The following ACSM6 variants were observed in gnomAD, a reference collection of about 807,000 sequenced individuals.
ACSM6 encodes acyl-coenzyme A synthetase ACSM6, mitochondrial.
Under a neutral mutation model 51.1 loss-of-function variants are expected in ACSM6, and 35 were observed. The observed-to-expected ratio is 0.69, with a 90% CI of 0.52 to 0.91. The LOEUF is 0.91. ACSM6 is among the 40% of genes least tolerant of loss of function. ACSM6 has a pLI of 0.00. For missense variants in ACSM6, 509 were observed against 584.1 expected (o/e 0.87, Z 1.32); for synonymous variants, 172 against 207.3 (o/e 0.83, Z 1.46).
At chr10:95,200,332 C>T (rs2034778885) in intron 2 of ACSM6, among the ~76,000 whole-genome samples, 1 of 117,632 alleles carries the variant, frequency 8.5e-6, no homozygotes, top group Non-Finnish European at 1.6e-5. Flanking sequence ...GAACATCACA[C>T]TCTGGGGACT....
intron 3 of ACSM6, among the ~76,000 whole-genome samples, chr10:95,203,833 G>T (rs73331048): frequency 0.03 from 4,244 of 141,618 alleles, 214 homozygotes; most frequent in African/African-American, 0.1. Context: ...TACTGCCTTT[G>T]CCTGCTAACA....
chr10:95,221,762 A>G (rs1281716854), intron 9 of ACSM6, among the ~76,000 whole-genome samples: 1 of 152,238 alleles, frequency 6.6e-6, no homozygotes, highest in Non-Finnish European at 1.5e-5. Context: ...TCCAACAAAG[A>G]AAAGCCCAGC....
chr10:95,211,780 G>C, intron 5 of ACSM6, 98 bp from the exon 6 acceptor site: 1 of 1,278,236 alleles, frequency 7.8e-7, no homozygotes, highest in South Asian at 1.5e-5. Flanking sequence ...TGTGATCTTT[G>C]TTTCTCCCCA....
chr10:95,228,342 C>G (rs1391395718), intron 10 of ACSM6: 2 of 253,580 alleles, frequency 7.9e-6, no homozygotes, highest in Non-Finnish European at 1.5e-5. Flanking sequence ...CTGTACCTGG[C>G]CTTGTGCTAA....
At chr10:95,210,594 A>G in intron 4 of ACSM6, 56 bp from the exon 5 acceptor site, 3 of 1,560,730 alleles carry the variant, frequency 1.9e-6, no homozygotes, top group Non-Finnish European at 1.7e-6. Flanking sequence ...GGGCCTAGGC[A>G]CTTAATCAGA....
chr10:95,220,126 C>T (rs1044275971), intron 9 of ACSM6, among the ~76,000 whole-genome samples, 155 bp downstream of exon 9: 1 of 152,110 alleles, frequency 6.6e-6, no homozygotes, highest in African/African-American at 2.4e-5. Context: ...TTTATTTCCA[C>T]CTCAATATCC....
intron 10 of ACSM6, 39 bp from the exon 11 acceptor site, chr10:95,228,603 AGG>A: frequency 2.0e-6 from 3 of 1,537,208 alleles, no homozygotes; most frequent in Non-Finnish European, 2.6e-6. Flanking sequence ...TGATTGTGAG[AGG>A]GAAGTAAATG....
chr10:95,226,010 A>G (rs1164066359), intron 10 of ACSM6: 1 of 152,190 alleles, frequency 6.6e-6, no homozygotes, highest in African/African-American at 2.4e-5. Flanking sequence ...ATCTTTCTCA[A>G]GACTATTATG....
rs117778869 is a variant in ACSM6 at position 95,208,567 on chromosome 10, A to G, written c.611+1152A>G. 3.3e-5 allele frequency among the ~76,000 whole-genome samples: 5 copies of G among 152,324 alleles called. No homozygotes were observed. In the East Asian group the frequency reaches 5.8e-4, roughly 18 times the overall value. On this transcript the variant is annotated intron_variant, in intron 4 of 10. Transcript: ENST00000341686. ...GTTCATCCTCAAGTTAGCCAAATACAGTAGTGCCCCCTTATCTGTGGCTTT... is the reference window on the plus strand; with the variant it reads ...GTTCATCCTCAAGTTAGCCAAATACGGTAGTGCCCCCTTATCTGTGGCTTT...
exon 5 of ACSM6, chr10:95,210,659 T>C (rs1339529870): frequency 6.2e-7 from 1 of 1,613,500 alleles, no homozygotes; most frequent in Non-Finnish European, 8.5e-7. Flanking sequence ...GAGTTGCCCC[T>C]CCAAAGCAGA....
exon 7 of ACSM6, chr10:95,212,912 G>A (rs1326160507): frequency 1.2e-6 from 2 of 1,613,114 alleles, no homozygotes; most frequent in Admixed American, 1.7e-5. Context: ...GATGTACCAG[G>A]AACTGCTTCA....
chr10:95,200,380 G>T (rs1373265042), intron 2 of ACSM6, among the ~76,000 whole-genome samples: 1 of 151,198 alleles, frequency 6.6e-6, no homozygotes, highest in Non-Finnish European at 1.5e-5. Context: ...ATAGCATTGG[G>T]TGATATACCT....
intron 2 of ACSM6, among the ~76,000 whole-genome samples, chr10:95,200,430 T>C (rs1234792289): frequency 6.6e-6 from 1 of 151,072 alleles, no homozygotes; most frequent in Non-Finnish European, 1.5e-5. Flanking sequence ...CACACCAACA[T>C]GGCACATGTA....
intron 9 of ACSM6, among the ~76,000 whole-genome samples, chr10:95,222,678 A>G (rs1431644942): frequency 3.3e-5 from 5 of 151,976 alleles, no homozygotes; most frequent in Non-Finnish European, 5.9e-5. Flanking sequence ...GGTGGTTGCC[A>G]GGAGCTGGTG....
intron 9 of ACSM6, among the ~76,000 whole-genome samples, chr10:95,224,884 G>A (rs957986485): frequency 1.3e-5 from 2 of 152,046 alleles, no homozygotes; most frequent in South Asian, 2.1e-4. Context: ...TGTTTGAAAG[G>A]CCTTTCTGAG....
intron 4 of ACSM6, among the ~76,000 whole-genome samples, chr10:95,207,726 T>A (rs1193096791): frequency 2.0e-5 from 3 of 152,046 alleles, no homozygotes; most frequent in Admixed American, 1.3e-4. Context: ...GGATAAAAAA[T>A]TAGGTAATAT....
At chr10:95,194,735 C>T (rs2034708751) in intron 2 of ACSM6, 58 bp downstream of exon 2, 1 of 1,441,192 alleles carries the variant, frequency 6.9e-7, no homozygotes, top group African/African-American at 1.4e-5. Flanking sequence ...GGTAAAGCGT[C>T]CAAAGATCAT....
intron 3 of ACSM6, 102 bp downstream of exon 3, chr10:95,202,297 T>C: frequency 9.4e-7 from 1 of 1,060,110 alleles, no homozygotes; most frequent in South Asian, 1.4e-5. Flanking sequence ...ATCTGATGCC[T>C]GAATTCTTCC....
rs552864407 is a variant in ACSM6, at chr10:95,197,197, A to G, written c.192+2520A>G. Among the ~76,000 whole-genome samples, 6 of 152,246 alleles carry G rather than the reference A, an allele frequency of 3.9e-5. No homozygotes were observed. The South Asian group carries it at 1.0e-3, about 26-fold the overall frequency. ...TGTTCATCAGTAAATTCTATCATGAAGGGGTGGCCTGCCCCTCCACATCTG... is the reference window on the plus strand; with the variant it reads ...TGTTCATCAGTAAATTCTATCATGAGGGGGTGGCCTGCCCCTCCACATCTG... On this transcript the variant is annotated intron_variant, in intron 2 of 10. Transcript: ENST00000341686.
Sources: gnomAD v4.1 joint callset for allele counts (sites outside exome capture counted in the v4.1 genomes callset) on GRCh38, gnomAD v4.1.1 for gene constraint, MANE v1.5 for transcripts, NCBI Gene and HGNC (gene_info 2026-07-23, HGNC 2026-07-21) for gene names.